The following MEF2C variants were observed in gnomAD, a reference collection of about 807,000 sequenced individuals.
The protein encoded by MEF2C is myocyte enhancer factor 2C, also known as myocyte-specific enhancer factor 2C.
In MEF2C, 6 loss-of-function variants were observed where a neutral mutation model predicts 50.5. The ratio of observed to expected loss-of-function variants is 0.12; its 90% confidence interval spans 0.07 to 0.23. The LOEUF (loss-of-function observed/expected upper bound fraction) is 0.23, where lower values mean the gene tolerates loss of function less well. Ranked by LOEUF, MEF2C falls within the 10% of genes least tolerant of loss-of-function variation. MEF2C has a pLI of 1.00. For synonymous variants in MEF2C, 183 were observed against 228.0 expected (o/e 0.80, Z 1.78); for missense variants, 276 against 605.0 (o/e 0.46, Z 5.70).
chr5:88,808,392 C>T (rs987903670), intron 2 of MEF2C, among the ~76,000 whole-genome samples: 2 of 152,120 alleles, frequency 1.3e-5, no homozygotes, highest in Admixed American at 6.6e-5. Flanking sequence ...GAATTTTGCA[C>T]GTTACAACAC....
intron 3 of MEF2C, among the ~76,000 whole-genome samples, chr5:88,765,563 G>A (rs1042260171): frequency 6.6e-5 from 10 of 152,222 alleles, no homozygotes; most frequent in African/African-American, 2.4e-4. Context: ...CGAAAGGGCT[G>A]ACTAAATGGA....
chr5:88,743,013 C>G, intron 6 of MEF2C: 4 of 974,126 alleles, frequency 4.1e-6, no homozygotes, highest in Non-Finnish European at 4.9e-6. Flanking sequence ...GGGTGAACTC[C>G]CAAGGTAAAA....
chr5:88,800,621 T>C (rs942010558), intron 3 of MEF2C, among the ~76,000 whole-genome samples: 2 of 152,168 alleles, frequency 1.3e-5, no homozygotes, highest in African/African-American at 4.8e-5. Flanking sequence ...GTTTGCTGTC[T>C]TAGACAGCTA....
intron 3 of MEF2C, among the ~76,000 whole-genome samples, chr5:88,781,345 T>C (rs1787914976): frequency 6.6e-6 from 1 of 152,242 alleles, no homozygotes; most frequent in Non-Finnish European, 1.5e-5. Context: ...ATACCAGTTG[T>C]ATGAGCATCA....
chr5:88,746,796 C>T, intron 6 of MEF2C: 1 of 594,496 alleles, frequency 1.7e-6, no homozygotes, highest in African/African-American at 2.0e-5. Flanking sequence ...AAGCTTGAGA[C>T]TAAGTGGCAT....
Position 88,862,836 on chromosome 5 carries a change from G to A in MEF2C, c.-143+20119C>T, listed in dbSNP as rs1242507500. On this transcript the variant is annotated intron_variant, in intron 1 of 10. Transcript: ENST00000504921. ...AGATCTGCCACAGTGAGGTTTCTATGGCATACCAGAGAATGGAAAGAAGAT... is the reference window on the plus strand; with the variant it reads ...AGATCTGCCACAGTGAGGTTTCTATAGCATACCAGAGAATGGAAAGAAGAT... Among the ~76,000 whole-genome samples, 7 of 152,142 alleles carry A rather than the reference G, an allele frequency of 4.6e-5. No individual in the cohort carries two copies. The South Asian group carries it at 1.5e-3, about 32-fold the overall frequency.
At chr5:88,888,890 A>C (rs1242414306) in intron 1 of MEF2C, 1 of 152,194 alleles carries the variant, frequency 6.6e-6, no homozygotes, top group Non-Finnish European at 1.5e-5. Flanking sequence ...TTTACTTACA[A>C]AATTGTTAAA....
At chr5:88,844,153 G>A (rs1183598870) in intron 1 of MEF2C, among the ~76,000 whole-genome samples, 3 of 152,170 alleles carry the variant, frequency 2.0e-5, no homozygotes, top group African/African-American at 7.2e-5. Context: ...AAAATTTAAT[G>A]AGCATGCCCC....
chr5:88,878,165 A>G (rs755094415), intron 1 of MEF2C: 1 of 152,070 alleles, frequency 6.6e-6, no homozygotes. Context: ...AGGAGAACTA[A>G]ATGACACATA....
intron 3 of MEF2C, among the ~76,000 whole-genome samples, chr5:88,779,246 C>G (rs1301232192): frequency 6.6e-6 from 1 of 152,050 alleles, no homozygotes; most frequent in Non-Finnish European, 1.5e-5. Flanking sequence ...TTTAAAAGAT[C>G]ACTGTTAAAA....
At chr5:88,849,998 CA>C (rs1418902197) in intron 1 of MEF2C, among the ~76,000 whole-genome samples, 1 of 152,076 alleles carries the variant, frequency 6.6e-6, no homozygotes, top group African/African-American at 2.4e-5. Flanking sequence ...AGGTTAGTTA[CA>C]TATGTATACA....
chr5:88,845,288 AG>A (rs550505437), intron 1 of MEF2C, among the ~76,000 whole-genome samples: 2 of 152,358 alleles, frequency 1.3e-5, no homozygotes, highest in East Asian at 3.9e-4. Flanking sequence ...CAATTCAGGA[AG>A]GAAAAGTTTT....
chr5:88,773,618 G>A (rs1308013766), intron 3 of MEF2C, among the ~76,000 whole-genome samples: 1 of 152,206 alleles, frequency 6.6e-6, no homozygotes, highest in Admixed American at 6.5e-5. Flanking sequence ...ACAGTAGAAT[G>A]TTGCTACAAA....
chr5:88,819,185 T>C (rs1426838747), intron 2 of MEF2C, among the ~76,000 whole-genome samples: 1 of 151,980 alleles, frequency 6.6e-6, no homozygotes, highest in Non-Finnish European at 1.5e-5. Context: ...CATTTGATTA[T>C]ACTGGATGCA....
intron 1 of MEF2C, among the ~76,000 whole-genome samples, chr5:88,825,243 C>T (rs1207928655): frequency 6.6e-6 from 1 of 151,548 alleles, no homozygotes; most frequent in African/African-American, 2.4e-5. Context: ...ATTTAATTTC[C>T]AAATTCTTTA....
intron 1 of MEF2C, among the ~76,000 whole-genome samples, chr5:88,861,619 C>A (rs1269970991): frequency 6.6e-6 from 1 of 152,170 alleles, no homozygotes; most frequent in Admixed American, 6.5e-5. Context: ...CTTTGCCTTT[C>A]TGAGACAACA....
At chr5:88,743,471 T>C (rs995643192) in intron 6 of MEF2C, 1 of 985,362 alleles carries the variant, frequency 1.0e-6, no homozygotes, top group African/African-American at 1.7e-5. Context: ...CCTTTCCTCT[T>C]TCCACTTAGT....
intron 6 of MEF2C, chr5:88,741,675 G>C: frequency 1.0e-6 from 1 of 976,438 alleles, no homozygotes; most frequent in Non-Finnish European, 1.2e-6. Context: ...TTCTATATTA[G>C]TATAGCAGGG....
intron 3 of MEF2C, chr5:88,781,005 G>C: frequency 1.1e-6 from 1 of 901,120 alleles, no homozygotes; most frequent in South Asian, 5.1e-5. Flanking sequence ...CCTCTATTTG[G>C]CAGAGTTCCA....
Sources: gnomAD v4.1 joint callset for allele counts (sites outside exome capture counted in the v4.1 genomes callset) on GRCh38, gnomAD v4.1.1 for gene constraint, MANE v1.5 for transcripts, NCBI Gene and HGNC (gene_info 2026-07-23, HGNC 2026-07-21) for gene names.